The following XIRP2 variants were observed in gnomAD, a reference collection of about 807,000 sequenced individuals.
XIRP2 encodes the protein xin actin binding repeat containing 2, also known as xin actin-binding repeat-containing protein 2.
A neutral mutation model predicts 277.0 loss-of-function variants in XIRP2; 236 were observed. The observed-to-expected ratio is 0.85, with a 90% CI of 0.77 to 0.95. XIRP2 has a LOEUF of 0.95. Ranked by LOEUF, XIRP2 falls within the 40% of genes least tolerant of loss-of-function variation. XIRP2 has a pLI of 0.00. For missense variants in XIRP2, 4,640 were observed against 4,157.5 expected (o/e 1.12, Z -3.19); for synonymous variants, 1,490 against 1,416.5 (o/e 1.05, Z -1.17).
intron 3 of XIRP2, among the ~76,000 whole-genome samples, chr2:167,160,934 TG>T (rs1692345268): frequency 6.6e-6 from 1 of 152,166 alleles, no homozygotes; most frequent in African/African-American, 2.4e-5. Context: ...CTAGATACAA[TG>T]GGAGTACAGG....
intron 2 of XIRP2, among the ~76,000 whole-genome samples, chr2:166,939,816 G>C (rs527575376): frequency 1.3e-5 from 2 of 151,610 alleles, no homozygotes; most frequent in Non-Finnish European, 2.9e-5. Flanking sequence ...TGAGACATCT[G>C]CTGTTAGTCT....
intron 3 of XIRP2, among the ~76,000 whole-genome samples, chr2:167,148,816 T>A (rs1691935064): frequency 6.6e-6 from 1 of 151,850 alleles, no homozygotes; most frequent in African/African-American, 2.4e-5. Flanking sequence ...TAAAGAATAA[T>A]CTTTTAAGAA....
chr2:167,248,761 A>C lies in XIRP2; in HGVS notation c.7369A>C (p.Ile2457Leu). Residue 2457 changes from isoleucine (I) to leucine (L), a missense_variant, in exon 9 of 11, where the codon ATT becomes CTT. Physicochemically the swap from Ile to Leu is conservative, Grantham distance 5. Transcript: ENST00000409195. Reference sequence around the variant, plus strand: ...CTCCCTGTCAGATATGGAATGTAAAATTACTACCTCAAAGGATCAGAAAAA... The same window carrying C: ...CTCCCTGTCAGATATGGAATGTAAACTTACTACCTCAAAGGATCAGAAAAA... ...ATSLSDMECK[I>L]TTSKDQKKVM... 1 of 1,613,742 alleles carries C rather than the reference A, an allele frequency of 6.2e-7. No individual in the cohort carries two copies. Among genetic ancestry groups the C allele is most frequent in the Non-Finnish European group, 8.5e-7 (1 of 1,179,786 alleles).
intron 2 of XIRP2, among the ~76,000 whole-genome samples, chr2:167,019,946 A>G (rs531007103): frequency 2.0e-5 from 3 of 152,150 alleles, no homozygotes; most frequent in Admixed American, 2.0e-4. Context: ...TTAAAAGCTT[A>G]TATTTTTATT....
intron 2 of XIRP2, among the ~76,000 whole-genome samples, chr2:167,123,041 T>A (rs1291722182): frequency 3.3e-5 from 5 of 152,140 alleles, no homozygotes; most frequent in Admixed American, 2.6e-4. Flanking sequence ...GGCAGAATTG[T>A]GGTAGGAACA....
rs772842255 is a variant in XIRP2, at chr2:167,249,816, C to T, written c.8424C>T (p.Ser2808=). The change falls in exon 9 of 11, where the codon AGC becomes AGT. Residue 2808 remains serine (S), a synonymous_variant. Coordinates refer to ENST00000409195, the MANE Select transcript of XIRP2 (RefSeq NM_152381.6). ...TTCCCAGGAAGCAAAGAGAATTTAG[C>T]GGATCTGACAGAGGGAAACTTCCAG... ...KMVPRKQREF[S]GSDRGKLPGS... 6 of 1,613,134 alleles carry T rather than the reference C, an allele frequency of 3.7e-6. No individual in the cohort carries two copies. Among genetic ancestry groups the T allele is most frequent in the African/African-American group, 2.7e-5 (2 of 74,790 alleles).
chr2:167,094,568 T>A (rs1365724319), intron 2 of XIRP2, among the ~76,000 whole-genome samples: 1 of 152,044 alleles, frequency 6.6e-6, no homozygotes, highest in African/African-American at 2.4e-5. Flanking sequence ...TTTATTAAAT[T>A]AGGGAATCCT....
intron 2 of XIRP2, among the ~76,000 whole-genome samples, chr2:167,120,850 C>T (rs1691036655): frequency 1.3e-5 from 2 of 152,142 alleles, no homozygotes; most frequent in South Asian, 4.1e-4. Context: ...ATCAAATACA[C>T]TACTCGAGAA....
Position 167,242,843 on chromosome 2 carries a change from T to C in XIRP2, c.1451T>C (p.Val484Ala), listed in dbSNP as rs199867249. ...CCCAGTCCTCCTAGAAGACTACCAG[T>C]CCCCAAAGATGTATATTCCAAGCAA... is the stretch of plus-strand genomic sequence containing the variant. ...ELPSPPRRLP[V>A]PKDVYSKQRN... Residue 484 changes from valine to alanine, a missense_variant, in exon 9 of 11, where the codon GTC becomes GCC. Transcript: ENST00000409195. 240 of 1,614,072 alleles carry C rather than the reference T, an allele frequency of 1.5e-4. No homozygotes were observed. The African/African-American group carries it at 2.9e-3, about 20-fold the overall frequency.
intron 2 of XIRP2, among the ~76,000 whole-genome samples, chr2:167,090,601 A>G (rs12692857): frequency 0.71 from 107,608 of 152,106 alleles, 40,821 homozygotes; most frequent in Non-Finnish European, 0.85. Context: ...TTTAAAAGAG[A>G]TTTATTTAGC....
chr2:167,256,269 TTTA>T (rs1574006761), intron 10 of XIRP2, among the ~76,000 whole-genome samples: 1 of 151,750 alleles, frequency 6.6e-6, no homozygotes, highest in East Asian at 1.9e-4. Flanking sequence ...TTTGCCTATT[TTTA>T]TTATCTGTCT....
Position 167,251,375 on chromosome 2 carries a change from AC to A in XIRP2, c.9986del (p.Pro3329LeufsTer5), listed in dbSNP as rs776371047. ...CAAATGGCTGAAAATTTCGTGAATGACCCTGAAAATGAAATAAACAGATGGT... is the reference window on the plus strand; with the variant it reads ...CAAATGGCTGAAAATTTCGTGAATGACCTGAAAATGAAATAAACAGATGGT... Reference protein sequence around the residue: ...TVQMAENFVNDPENEINRWFR... With the variant: ...TVQMAENFVNXPENEINRWFR... On this transcript the variant is annotated frameshift_variant, in exon 9 of 11. Transcript: ENST00000409195. LOFTEE classifies it high-confidence loss of function. 1 of 1,613,584 alleles carries A rather than the reference AC, an allele frequency of 6.2e-7. No individual in the cohort carries two copies. Among genetic ancestry groups the A allele is most frequent in the East Asian group, 2.2e-5 (1 of 44,828 alleles).
chr2:167,093,722 G>A (rs923859292), intron 2 of XIRP2, among the ~76,000 whole-genome samples: 1 of 152,094 alleles, frequency 6.6e-6, no homozygotes, highest in African/African-American at 2.4e-5. Flanking sequence ...AACATTGATG[G>A]GCATTTGGGT....
chr2:166,923,126 GATA>G (rs1685098866), intron 2 of XIRP2, among the ~76,000 whole-genome samples: 1 of 152,030 alleles, frequency 6.6e-6, no homozygotes, highest in African/African-American at 2.4e-5. Flanking sequence ...TGATGCTATT[GATA>G]ATAACTTAGG....
rs774499825 is a variant in XIRP2 at position 167,247,385 on chromosome 2, G to A, written c.5993G>A (p.Ser1998Asn). Reference protein sequence around the residue: ...AKWQGGADTLSQTMGKSCHGN... With the variant: ...AKWQGGADTLNQTMGKSCHGN... ...TGGCAAGGGGGAGCAGATACTCTCA[G>A]TCAAACTATGGGGAAATCTTGCCAT... The change falls in exon 9 of 11, where the codon AGT becomes AAT. Residue 1998 changes from serine to asparagine, a missense_variant. Coordinates refer to ENST00000409195, the MANE Select transcript of XIRP2 (RefSeq NM_152381.6). 5 of 1,613,642 alleles carry A rather than the reference G, an allele frequency of 3.1e-6. No homozygotes were observed. Among genetic ancestry groups the A allele is most frequent in the African/African-American group, 1.3e-5 (1 of 74,886 alleles).
intron 2 of XIRP2, among the ~76,000 whole-genome samples, chr2:167,134,398 A>T (rs1020244386): frequency 2.6e-5 from 4 of 151,906 alleles, no homozygotes; most frequent in Non-Finnish European, 5.9e-5. Flanking sequence ...ATATAAATTG[A>T]AAAGCTTTTC....
intron 3 of XIRP2, among the ~76,000 whole-genome samples, chr2:167,160,787 G>C: frequency 6.6e-6 from 1 of 151,994 alleles, no homozygotes; most frequent in Non-Finnish European, 1.5e-5. Context: ...TTCAAAACCA[G>C]TGCCTTCCCA....
At chr2:167,252,119 A>C (rs1695529761) in intron 9 of XIRP2, among the ~76,000 whole-genome samples, 172 bp downstream of exon 9, 1 of 152,026 alleles carries the variant, frequency 6.6e-6, no homozygotes, top group Non-Finnish European at 1.5e-5. Flanking sequence ...CTTTTACAAC[A>C]TTCTTTTCAC....
chr2:166,921,293 T>C (rs1320787149), intron 2 of XIRP2, among the ~76,000 whole-genome samples: 1 of 152,148 alleles, frequency 6.6e-6, no homozygotes, highest in Non-Finnish European at 1.5e-5. Context: ...GCCAAACTGT[T>C]GTCCAAAGTC....
Sources: gnomAD v4.1 joint callset for allele counts (sites outside exome capture counted in the v4.1 genomes callset) on GRCh38, gnomAD v4.1.1 for gene constraint, MANE v1.5 for transcripts, NCBI Gene and HGNC (gene_info 2026-07-23, HGNC 2026-07-21) for gene names.